Variants in SLC2A10 observed in about 807,000 individuals in gnomAD.
The protein encoded by SLC2A10 is solute carrier family 2, facilitated glucose transporter member 10.
SLC2A10 carries 25 observed loss-of-function variants against 32.1 expected under a neutral mutation model. The observed-to-expected ratio is 0.78, with a 90% CI of 0.57 to 1.09. The LOEUF is 1.09. SLC2A10 is among the 50% of genes least tolerant of loss of function. SLC2A10 has a pLI of 0.00. For synonymous variants in SLC2A10, 332 were observed against 309.6 expected (o/e 1.07, Z -0.76); for missense variants, 673 against 686.5 (o/e 0.98, Z 0.22).
chr20:46,710,252 G>A (rs1202333440), intron 1 of SLC2A10: 2 of 393,334 alleles, frequency 5.1e-6, no homozygotes, highest in African/African-American at 2.1e-5. Context: ...ACAGCATTGG[G>A]GTGGGACGCG....
chr20:46,726,776 C>T, intron 2 of SLC2A10, 88 bp from the exon 3 acceptor site: 22 of 1,562,750 alleles, frequency 1.4e-5, no homozygotes, highest in Non-Finnish European at 1.9e-5. Flanking sequence ...TAGAAAATCC[C>T]ATTGTTGAGA....
chr20:46,712,647 CTTTCTTTTTTTTTTTT>C (rs1316492280), intron 1 of SLC2A10, among the ~76,000 whole-genome samples: 2 of 123,278 alleles, frequency 1.6e-5, no homozygotes, highest in Non-Finnish European at 3.4e-5. Flanking sequence ...TGTCTTCTTT[CTTTCTTTTTTTTTTTT>C]TTTTTTTTTT....
At chr20:46,722,272 G>C (rs1979599237) in intron 1 of SLC2A10, among the ~76,000 whole-genome samples, 1 of 152,098 alleles carries the variant, frequency 6.6e-6, no homozygotes, top group South Asian at 2.1e-4. Context: ...ACCTCTGAAG[G>C]CTGAGGAGCT....
At chr20:46,709,334 C>T, upstream of SLC2A10, among the ~76,000 whole-genome samples, 1 of 152,150 alleles carries the variant, frequency 6.6e-6, no homozygotes, top group East Asian at 1.9e-4. Context: ...ATTGGGGCAC[C>T]TCTTCCCTGC....
At chr20:46,731,904 A>G (rs1333328673) in intron 4 of SLC2A10, among the ~76,000 whole-genome samples, 1 of 152,164 alleles carries the variant, frequency 6.6e-6, no homozygotes, top group African/African-American at 2.4e-5. Context: ...TCCCAGGAGA[A>G]AGTCTGATTG....
chr20:46,709,775 C>T lies in SLC2A10; in HGVS notation c.4+35C>T. 2.6e-6 allele frequency: 4 copies of T among 1,546,988 alleles called. No individual in the cohort carries two copies. In the South Asian group the frequency reaches 3.6e-5, roughly 14 times the overall value. ...GATCGGGCGCTGCCTGCTGGAAGCC[C>T]GACCCCTTCCCAGGGTGTAGACACC... On this transcript the variant is annotated intron_variant, in intron 1 of 4. Coordinates refer to ENST00000359271, the MANE Select transcript of SLC2A10 (RefSeq NM_030777.4).
intron 1 of SLC2A10, among the ~76,000 whole-genome samples, chr20:46,711,018 A>C (rs2122991345): frequency 6.6e-6 from 1 of 152,144 alleles, no homozygotes; most frequent in Admixed American, 6.5e-5. Flanking sequence ...GATTACAGGC[A>C]TACACCACCA....
rs369162285 is a variant in SLC2A10 at position 46,725,996 on chromosome 20, C to T, written c.960C>T (p.Ala320=). 26 of 1,613,836 alleles carry T rather than the reference C, an allele frequency of 1.6e-5. No homozygotes were observed. The highest frequency in any genetic ancestry group is 1.6e-4 in the Middle Eastern group (1 of 6,084). ...SVSGIGLVSF[A]VPMDSGPSCL... ...GTGGCATAGGCCTCGTCAGCTTTGC[C>T]GTGCCCATGGACTCAGGCCCAAGCT... The change falls in exon 2 of 5, where the codon GCC becomes GCT. Residue 320 remains alanine, a synonymous_variant. Transcript: ENST00000359271.
chr20:46,722,278 G>A (rs1428193888), intron 1 of SLC2A10, among the ~76,000 whole-genome samples: 2 of 152,120 alleles, frequency 1.3e-5, no homozygotes, highest in African/African-American at 4.8e-5. Flanking sequence ...GAAGGCTGAG[G>A]AGCTGAGAGG....
chr20:46,717,438 T>G (rs1194698882), intron 1 of SLC2A10, among the ~76,000 whole-genome samples: 1 of 152,152 alleles, frequency 6.6e-6, no homozygotes, highest in Non-Finnish European at 1.5e-5. Flanking sequence ...CAGGCTGGAG[T>G]GCAGTGGTGC....
At chr20:46,721,131 C>G (rs965639775) in intron 1 of SLC2A10, among the ~76,000 whole-genome samples, 1 of 152,086 alleles carries the variant, frequency 6.6e-6, no homozygotes, top group African/African-American at 2.4e-5. Flanking sequence ...AGGTTTAGAC[C>G]CAGGACTGAA....
At chr20:46,731,793 G>A (rs574371181) in intron 4 of SLC2A10, among the ~76,000 whole-genome samples, 12 of 152,224 alleles carry the variant, frequency 7.9e-5, no homozygotes, top group African/African-American at 2.6e-4. Context: ...AGGAACACAG[G>A]GACCAGGGCA....
At chr20:46,709,864 C>A in intron 1 of SLC2A10, 124 bp downstream of exon 1, 4 of 1,225,014 alleles carry the variant, frequency 3.3e-6, no homozygotes, top group Non-Finnish European at 4.6e-6. Context: ...GGCCGGATAC[C>A]GCCTCTCGGG....
At position 46,733,785 on chromosome 20, in the gene SLC2A10, A is replaced by C. The variant is rs765146742; in HGVS notation, c.1577A>C (p.Asn526Thr). 1.2e-6 allele frequency: 2 copies of C among 1,613,944 alleles called. No homozygotes were observed. Among genetic ancestry groups the C allele is most frequent in the Non-Finnish European group, 1.7e-6 (2 of 1,179,982 alleles). Residue 526 changes from asparagine (N) to threonine (T), a missense_variant, in exon 5 of 5, where the codon AAC becomes ACC. Physicochemically the swap from Asn to Thr is moderately conservative, Grantham distance 65. Coordinates refer to ENST00000359271, the MANE Select transcript of SLC2A10 (RefSeq NM_030777.4). ...RFTLSFGHRQ[N>T]STGIPYSRIE... ...ACCCTGAGCTTTGGCCACAGGCAGA[A>C]CTCCACTGGCATCCCGTACAGCCGC...
chr20:46,726,191 C>T lies in SLC2A10; in HGVS notation c.1155C>T (p.Ala385=). The part of the protein sequence containing the change: ...KPHPRSGDPS[A]PPRLALSSAL... ...ATCCCAGATCTGGAGACCCCTCAGC[C>T]CCTCCTCGGCTGGCCCTGAGCTCTG... The change falls in exon 2 of 5, where the codon GCC becomes GCT. Residue 385 remains alanine (A), a synonymous_variant. Coordinates refer to ENST00000359271, the MANE Select transcript of SLC2A10 (RefSeq NM_030777.4). 1 of 1,614,228 alleles carries T rather than the reference C, an allele frequency of 6.2e-7. No homozygotes were observed. The highest frequency in any genetic ancestry group is 1.1e-5 in the South Asian group (1 of 91,092).
intron 1 of SLC2A10, among the ~76,000 whole-genome samples, chr20:46,717,017 T>C (rs1363321477): frequency 6.6e-6 from 1 of 151,866 alleles, no homozygotes; most frequent in African/African-American, 2.4e-5. Context: ...AGTAAGACTG[T>C]CTAAAAAAAA....
At chr20:46,730,822 C>T (rs1980257588) in intron 4 of SLC2A10, among the ~76,000 whole-genome samples, 1 of 152,196 alleles carries the variant, frequency 6.6e-6, no homozygotes, top group Non-Finnish European at 1.5e-5. Flanking sequence ...GCATCCTTGG[C>T]AAATATCCCC....
intron 4 of SLC2A10, among the ~76,000 whole-genome samples, chr20:46,732,984 A>G (rs916394568): frequency 2.6e-5 from 4 of 152,168 alleles, no homozygotes; most frequent in Admixed American, 6.5e-5. Flanking sequence ...TGATGAGCAA[A>G]TGGGACTGGA....
Position 46,734,209 on chromosome 20 carries a change from A to G in SLC2A10, c.*375A>G, listed in dbSNP as rs1440763103. Reference sequence around the variant, plus strand: ...TCTCCCGATATCACCCCTAAATCCAAATGAGGATATCATCTTTTCTAATCT... The same window carrying G: ...TCTCCCGATATCACCCCTAAATCCAGATGAGGATATCATCTTTTCTAATCT... On this transcript the variant is annotated 3_prime_UTR_variant, in exon 5 of 5. Coordinates refer to ENST00000359271, the MANE Select transcript of SLC2A10 (RefSeq NM_030777.4). The G allele has an allele frequency of 2.3e-5, 7 of 302,266 alleles. No homozygotes were observed. Among genetic ancestry groups the G allele is most frequent in the Non-Finnish European group, 4.4e-5 (7 of 157,852 alleles). 18.7% of individuals were successfully genotyped at this position (302,266 alleles called of 1,614,324 possible). A position where few individuals can be genotyped will look rare whatever the true frequency, so the allele number is the denominator to read the frequency against.
Sources: allele counts gnomAD v4.1 joint callset (sites outside exome capture counted in the v4.1 genomes callset), GRCh38; gene constraint gnomAD v4.1.1; transcripts MANE v1.5; gene names NCBI Gene and HGNC (gene_info 2026-07-23, HGNC 2026-07-21).